DZIP1L: variants seen among roughly 807,000 people sequenced by gnomAD.
The protein encoded by DZIP1L is cilium assembly protein DZIP1L.
Under a neutral mutation model 88.7 loss-of-function variants are expected in DZIP1L, and 90 were observed. The ratio of observed to expected loss-of-function variants is 1.02; its 90% confidence interval spans 0.86 to 1.21. The LOEUF is 1.21. Among genes scored for constraint, DZIP1L ranks in the 50% most tolerant of loss-of-function variants. The probability of loss-of-function intolerance (pLI) is 0.00; values close to 1 mark genes in which losing one functional copy is unlikely to be tolerated. For synonymous variants in DZIP1L, 363 were observed against 372.1 expected (o/e 0.98, Z 0.28); for missense variants, 932 against 955.8 (o/e 0.98, Z 0.33).
intron 14 of DZIP1L, among the ~76,000 whole-genome samples, chr3:138,065,400 T>C (rs1300326658): frequency 6.6e-6 from 1 of 152,248 alleles, no homozygotes; most frequent in African/African-American, 2.4e-5. Context: ...GAAATGTTTG[T>C]TAAGGGCCTA....
intron 1 of DZIP1L, chr3:138,112,491 A>C (rs552615200): frequency 6.6e-6 from 1 of 152,284 alleles, no homozygotes; most frequent in African/African-American, 2.4e-5. Context: ...TCAGCTCCAC[A>C]GCTTGCGTCC....
chr3:138,085,202 A>T (rs1252977873), intron 7 of DZIP1L, among the ~76,000 whole-genome samples: 1 of 152,224 alleles, frequency 6.6e-6, no homozygotes, highest in East Asian at 1.9e-4. Context: ...ATGGGCAAGG[A>T]CTTCATGTCT....
chr3:138,086,884 G>T (rs1943964329), intron 7 of DZIP1L, 77 bp downstream of exon 7: 2 of 1,457,014 alleles, frequency 1.4e-6, no homozygotes, highest in Non-Finnish European at 1.9e-6. Flanking sequence ...TGGTGGGTGA[G>T]GGGGCGTGGA....
chr3:138,101,613 G>T lies in DZIP1L; in HGVS notation c.501+1858C>A, dbSNP rs538579041. On this transcript the variant is annotated intron_variant, in intron 2 of 15. Transcript: ENST00000327532. Reference sequence around the variant, plus strand: ...AGCCTGCGCCAGAGCCAAAGCTGGAGCCCAGGCCGTAGCTGAGGCCAGGGC... The same window carrying T: ...AGCCTGCGCCAGAGCCAAAGCTGGATCCCAGGCCGTAGCTGAGGCCAGGGC... 13 of 795,890 alleles carry T rather than the reference G, an allele frequency of 1.6e-5. No homozygotes were observed. The East Asian group carries it at 2.9e-4, about 18-fold the overall frequency. 49.3% of individuals were successfully genotyped at this position (795,890 alleles called of 1,614,324 possible). A position where few individuals can be genotyped will look rare whatever the true frequency, so the allele number is the denominator to read the frequency against.
At chr3:138,091,669 G>C (rs1464509213) in intron 5 of DZIP1L, among the ~76,000 whole-genome samples, 2 of 19,028 alleles carry the variant, frequency 1.1e-4, no homozygotes, top group African/African-American at 2.0e-4. Context: ...GGAAGGGAGG[G>C]AGAGAGGGAG....
At chr3:138,094,754 G>A in intron 4 of DZIP1L, 108 bp downstream of exon 4, 1 of 1,529,260 alleles carries the variant, frequency 6.5e-7, no homozygotes, top group Non-Finnish European at 8.8e-7. Flanking sequence ...CTGACTCCCA[G>A]CTCTGGGAAA....
chr3:138,072,002 G>A (rs1157472148), intron 11 of DZIP1L, among the ~76,000 whole-genome samples, 167 bp from the exon 12 acceptor site: 4 of 152,180 alleles, frequency 2.6e-5, no homozygotes, highest in South Asian at 2.1e-4. Context: ...GGTAAGCAGC[G>A]GCTTCAAAGT....
At chr3:138,105,660 T>C (rs953434803) in intron 1 of DZIP1L, among the ~76,000 whole-genome samples, 12 of 152,044 alleles carry the variant, frequency 7.9e-5, no homozygotes, top group African/African-American at 2.4e-4. Context: ...CCTTTTTTTT[T>C]CAAATATTTT....
Position 138,088,500 on chromosome 3 carries a change from C to T in DZIP1L, c.878G>A (p.Arg293Gln), listed in dbSNP as rs201374783. The T allele has an allele frequency of 9.9e-5, 159 of 1,612,874 alleles. No homozygotes were observed. In the South Asian group the frequency reaches 1.2e-3, roughly 12 times the overall value. ...KQNSTLEEKL[R>Q]ALQSHSVMES... Reference sequence around the variant, plus strand: ...CATCACACTGTGGGACTGCAGTGCCCGCAGTTTCTGAAAAGGCCAGGGCAT... The same window carrying T: ...CATCACACTGTGGGACTGCAGTGCCTGCAGTTTCTGAAAAGGCCAGGGCAT... The change falls in exon 6 of 16, where the codon CGG (arginine) becomes CAG (glutamine). Residue 293 changes from arginine to glutamine, a missense_variant. Transcript: ENST00000327532.
In DZIP1L at chr3:138,092,309, G is replaced by A. The variant is rs1576477627; in HGVS notation, c.870+74C>T. ...TCCAACAGCAGATGAAATAAAACCAGTACAAACTAAGAAATTTTGAGAATA... is the reference window on the plus strand; with the variant it reads ...TCCAACAGCAGATGAAATAAAACCAATACAAACTAAGAAATTTTGAGAATA... On this transcript the variant is annotated intron_variant, in intron 5 of 15. Transcript: ENST00000327532. The A allele has an allele frequency of 5.6e-6, 8 of 1,438,180 alleles. No homozygotes were observed. The East Asian group carries it at 2.0e-4, about 36-fold the overall frequency. 89.1% of individuals were successfully genotyped at this position (1,438,180 alleles called of 1,614,324 possible).
intron 1 of DZIP1L, among the ~76,000 whole-genome samples, chr3:138,111,152 G>T (rs1367653882): frequency 6.6e-6 from 1 of 152,172 alleles, no homozygotes; most frequent in Admixed American, 6.5e-5. Context: ...CCCATTACCT[G>T]GCACCCAGAT....
rs775470651 is a variant in DZIP1L, at chr3:138,097,841, G to A, written c.508C>T (p.Leu170=). ...GCATTCATGAATGTCTTGTCACACA[G>A]GTGGCACTATACAGAGAGGAAGCAA... The part of the protein sequence containing the change: ...TGTHSYHTCH[L]CDKTFMNATF... Residue 170 remains leucine, a synonymous_variant, in exon 3 of 16, where the codon CTG becomes TTG. Transcript: ENST00000327532. 24 of 1,611,918 alleles carry A rather than the reference G, an allele frequency of 1.5e-5. No homozygotes were observed. Among genetic ancestry groups the A allele is most frequent in the Non-Finnish European group, 2.0e-5 (24 of 1,179,098 alleles).
intron 1 of DZIP1L, among the ~76,000 whole-genome samples, chr3:138,109,041 TG>T (rs77008989): frequency 3.9e-4 from 59 of 151,302 alleles, no homozygotes; most frequent in African/African-American, 1.4e-3. Flanking sequence ...CTGTTTAAGG[TG>T]GGAAACCACT....
intron 10 of DZIP1L, chr3:138,080,265 G>A (rs1378121772): frequency 3.6e-6 from 1 of 275,704 alleles, no homozygotes; most frequent in Non-Finnish European, 7.2e-6. Flanking sequence ...AGGGCAGGCT[G>A]TGAATCAGAC....
At chr3:138,110,816 G>A (rs999528882) in intron 1 of DZIP1L, among the ~76,000 whole-genome samples, 1 of 152,218 alleles carries the variant, frequency 6.6e-6, no homozygotes, top group Non-Finnish European at 1.5e-5. Flanking sequence ...AACCTATTAT[G>A]CAGATGAAGA....
intron 7 of DZIP1L, among the ~76,000 whole-genome samples, chr3:138,085,473 A>T (rs1350284802): frequency 2.6e-5 from 4 of 152,254 alleles, no homozygotes; most frequent in Non-Finnish European, 5.9e-5. Flanking sequence ...TCTCAAAAGA[A>T]GACATTTATG....
chr3:138,109,456 A>G (rs2042581539), intron 1 of DZIP1L, among the ~76,000 whole-genome samples: 1 of 152,186 alleles, frequency 6.6e-6, no homozygotes, highest in Non-Finnish European at 1.5e-5. Flanking sequence ...TTTTGTTCCA[A>G]TTAAAGGTTG....
chr3:138,084,775 C>T (rs1348119599), intron 7 of DZIP1L, among the ~76,000 whole-genome samples: 1 of 152,016 alleles, frequency 6.6e-6, no homozygotes, highest in Non-Finnish European at 1.5e-5. Context: ...GTTTTTGGAA[C>T]AGGAAATGTG....
At chr3:138,084,057 C>T in intron 8 of DZIP1L, 56 bp downstream of exon 8, 1 of 1,589,016 alleles carries the variant, frequency 6.3e-7, no homozygotes, top group Non-Finnish European at 8.6e-7. Context: ...AGGAGATCCT[C>T]ACAGGAAAGA....
Sources: gnomAD v4.1 joint callset for allele counts (sites outside exome capture counted in the v4.1 genomes callset) on GRCh38, gnomAD v4.1.1 for gene constraint, MANE v1.5 for transcripts, NCBI Gene and HGNC (gene_info 2026-07-23, HGNC 2026-07-21) for gene names.